TTLL5: variants seen among roughly 807,000 people sequenced by gnomAD.
TTLL5 encodes tubulin tyrosine ligase like 5.
Under a neutral mutation model 168.4 loss-of-function variants are expected in TTLL5, and 132 were observed. That is an observed-to-expected ratio of 0.78 (90% confidence interval 0.68 to 0.91). TTLL5 has a LOEUF of 0.91. TTLL5 is among the 40% of genes least tolerant of loss of function. The probability of loss-of-function intolerance (pLI) is 0.00; values close to 1 mark genes in which losing one functional copy is unlikely to be tolerated. For synonymous variants in TTLL5, 546 were observed against 558.6 expected (o/e 0.98, Z 0.32); for missense variants, 1,545 against 1,581.5 (o/e 0.98, Z 0.39).
chr14:75,765,664 A>T (rs1475663158), intron 19 of TTLL5, among the ~76,000 whole-genome samples: 1 of 152,090 alleles, frequency 6.6e-6, no homozygotes, highest in Non-Finnish European at 1.5e-5. Flanking sequence ...GGAGTTCGAG[A>T]CCAGCCCAGG....
At chr14:75,693,346 T>C (rs556072670) in intron 6 of TTLL5, among the ~76,000 whole-genome samples, 1 of 152,226 alleles carries the variant, frequency 6.6e-6, no homozygotes, top group African/African-American at 2.4e-5. Context: ...CTGATAAGGA[T>C]TGGACATGAG....
chr14:75,882,571 T>A, intron 29 of TTLL5, 114 bp from the exon 30 acceptor site: 1 of 916,384 alleles, frequency 1.1e-6, no homozygotes. Flanking sequence ...AAAAAAAAAA[T>A]TAACAGTTGT....
chr14:75,692,197 A>G (rs1885514132), intron 6 of TTLL5, among the ~76,000 whole-genome samples: 1 of 152,202 alleles, frequency 6.6e-6, no homozygotes, highest in Non-Finnish European at 1.5e-5. Context: ...ATATTTAAGT[A>G]GGTTAGTATG....
intron 7 of TTLL5, among the ~76,000 whole-genome samples, chr14:75,703,618 G>A (rs1189356946): frequency 6.6e-6 from 1 of 152,202 alleles, no homozygotes; most frequent in Non-Finnish European, 1.5e-5. Context: ...GATTATGGAA[G>A]TCAAGTTTAC....
intron 18 of TTLL5, among the ~76,000 whole-genome samples, chr14:75,757,673 T>C (rs1594980892): frequency 6.6e-6 from 1 of 152,222 alleles, no homozygotes; most frequent in African/African-American, 2.4e-5. Context: ...GAGAATGTTC[T>C]CAATTTATCT....
rs1890860912 is a variant in TTLL5, at chr14:75,663,056, A to T, written c.-94A>T. The T allele has an allele frequency of 1.9e-6, 2 of 1,030,738 alleles. No homozygotes were observed. Among genetic ancestry groups the T allele is most frequent in the African/African-American group, 3.2e-5 (2 of 63,396 alleles). 63.8% of individuals were successfully genotyped at this position (1,030,738 alleles called of 1,614,324 possible). A position where few individuals can be genotyped will look rare whatever the true frequency, so the allele number is the denominator to read the frequency against. On this transcript the variant is annotated splice_region_variant and 5_prime_UTR_variant, in exon 2 of 32. Coordinates refer to ENST00000298832, the MANE Select transcript of TTLL5 (RefSeq NM_015072.5). ...TCCAATCAAGTTGATTTCTTGCAGG[A>T]ATCTGTGCCATCCAAATTGCTTGAT...
intron 15 of TTLL5, among the ~76,000 whole-genome samples, chr14:75,743,875 C>G (rs1045028699): frequency 1.3e-5 from 2 of 152,036 alleles, no homozygotes; most frequent in African/African-American, 2.4e-5. Flanking sequence ...GCCACCGTGC[C>G]CAGCCACCAT....
At chr14:75,735,348 G>A in intron 15 of TTLL5, 59 bp downstream of exon 15, 5 of 1,539,748 alleles carry the variant, frequency 3.2e-6, no homozygotes, top group South Asian at 2.2e-5. Context: ...GGCGGCTGAT[G>A]TAACTGTGGG....
chr14:75,748,149 A>G (rs1889723692), intron 17 of TTLL5, among the ~76,000 whole-genome samples: 1 of 152,192 alleles, frequency 6.6e-6, no homozygotes, highest in Admixed American at 6.5e-5. Flanking sequence ...AATGTCTGAA[A>G]ACAGTTATTT....
intron 15 of TTLL5, among the ~76,000 whole-genome samples, chr14:75,743,771 T>C (rs368826180): frequency 3.0e-4 from 45 of 151,794 alleles, no homozygotes; most frequent in East Asian, 2.7e-3. Flanking sequence ...TTAGTAGAGA[T>C]GGGGTTTCAC....
chr14:75,933,477 A>G (rs761353748), intron 31 of TTLL5, among the ~76,000 whole-genome samples: 4 of 152,132 alleles, frequency 2.6e-5, no homozygotes, highest in African/African-American at 4.8e-5. Flanking sequence ...ATAAACACAC[A>G]GTTATTATCT....
At chr14:75,894,817 T>C (rs1055318176) in intron 30 of TTLL5, among the ~76,000 whole-genome samples, 2 of 152,154 alleles carry the variant, frequency 1.3e-5, no homozygotes, top group South Asian at 2.1e-4. Flanking sequence ...GGAAAACTGG[T>C]ATAGCAATAT....
At position 75,766,084 on chromosome 14, in the gene TTLL5, G is replaced by T. The variant is rs1566594356; in HGVS notation, c.1731G>T (p.Met577Ile). 1 of 1,611,940 alleles carries T rather than the reference G, an allele frequency of 6.2e-7. No homozygotes were observed. The highest frequency in any genetic ancestry group is 1.1e-5 in the South Asian group (1 of 90,492). ...TAGTGATTACCCAACCAGCTGAAAT[G>T]AATGTTAAAACTGAGACAGAGAGTG... ...KYPVITQPAEMNVKTETESEE... is the reference protein window; with the variant it reads ...KYPVITQPAEINVKTETESEE... The change falls in exon 20 of 32, where the codon ATG becomes ATT. Residue 577 changes from methionine to isoleucine, a missense_variant. Transcript: ENST00000298832.
intron 17 of TTLL5, among the ~76,000 whole-genome samples, chr14:75,748,504 T>C (rs1889747239): frequency 6.6e-6 from 1 of 152,220 alleles, no homozygotes; most frequent in South Asian, 2.1e-4. Context: ...CAGATATTCT[T>C]GTATGTGTCT....
intron 28 of TTLL5, among the ~76,000 whole-genome samples, chr14:75,832,214 G>T (rs186616729): frequency 6.6e-6 from 1 of 152,312 alleles, no homozygotes; most frequent in East Asian, 1.9e-4. Flanking sequence ...TTTGTTAAAT[G>T]ATTGCACTTG....
At chr14:75,825,265 A>G (rs1397538753) in intron 28 of TTLL5, among the ~76,000 whole-genome samples, 1 of 152,172 alleles carries the variant, frequency 6.6e-6, no homozygotes, top group Non-Finnish European at 1.5e-5. Flanking sequence ...GGTATTGCTC[A>G]CCACTTAGTT....
intron 23 of TTLL5, among the ~76,000 whole-genome samples, chr14:75,778,209 A>G (rs962159301): frequency 6.6e-6 from 1 of 152,228 alleles, no homozygotes; most frequent in Non-Finnish European, 1.5e-5. Flanking sequence ...GCATTGGAAC[A>G]TAATTACTTC....
chr14:75,860,761 C>G (rs1291591386), intron 28 of TTLL5, among the ~76,000 whole-genome samples: 5 of 152,128 alleles, frequency 3.3e-5, no homozygotes, highest in African/African-American at 9.7e-5. Flanking sequence ...ACAGCTCACT[C>G]CGTTCCTTTA....
chr14:75,778,850 A>T (rs573527634), intron 23 of TTLL5, among the ~76,000 whole-genome samples: 1 of 152,164 alleles, frequency 6.6e-6, no homozygotes, highest in Admixed American at 6.5e-5. Context: ...AATTTCAGTA[A>T]TTTGAAGTGA....
Sources: gnomAD v4.1 joint callset for allele counts (sites outside exome capture counted in the v4.1 genomes callset) on GRCh38, gnomAD v4.1.1 for gene constraint, MANE v1.5 for transcripts, NCBI Gene and HGNC (gene_info 2026-07-23, HGNC 2026-07-21) for gene names.